Variants in CSAD observed in about 807,000 individuals in gnomAD.
CSAD encodes the protein cysteine sulfinic acid decarboxylase, also known as P-selectin cytoplasmic tail-associated protein.
A neutral mutation model predicts 61.5 loss-of-function variants in CSAD; 47 were observed. The observed-to-expected ratio is 0.76, with a 90% CI of 0.60 to 0.97. CSAD has a LOEUF of 0.97. Among genes scored for constraint, CSAD ranks in the 50% least tolerant of loss-of-function variants. The probability of loss-of-function intolerance (pLI) is 0.00; values close to 1 mark genes in which losing one functional copy is unlikely to be tolerated. For synonymous variants in CSAD, 245 were observed against 252.7 expected (o/e 0.97, Z 0.29); for missense variants, 611 against 643.6 (o/e 0.95, Z 0.55).
rs1941407393 is a variant in CSAD at position 53,179,687 on chromosome 12, A to G, written c.-90-545T>C. 3.5e-6 allele frequency: 4 copies of G among 1,150,456 alleles called. No individual in the cohort carries two copies. The South Asian group carries it at 4.0e-5, about 12-fold the overall frequency. 71.3% of individuals were successfully genotyped at this position (1,150,456 alleles called of 1,614,324 possible). ...TCTGTCTACAAAAAAAAAAAAGTTG[A>G]GAATCCTTGTCTTTTTTTCATCATA... is the stretch of plus-strand genomic sequence containing the variant. On this transcript the variant is annotated intron_variant, in intron 1 of 16. Transcript: ENST00000444623.
At position 53,159,617 on chromosome 12, in the gene CSAD, G is replaced by A. The variant is rs368502237; in HGVS notation, c.1308+6C>T. ...ACGGGTAAAGAGAGCAGCACAGCACGCCTACCTTTGACAGCCTTTCGTGGT... is the reference window on the plus strand; with the variant it reads ...ACGGGTAAAGAGAGCAGCACAGCACACCTACCTTTGACAGCCTTTCGTGGT... On this transcript the variant is annotated splice_donor_region_variant and intron_variant, in intron 16 of 16. Coordinates refer to ENST00000444623, the MANE Select transcript of CSAD (RefSeq NM_001244705.2). The A allele has an allele frequency of 1.3e-4, 212 of 1,607,806 alleles. 1 individual carries two copies. The Middle Eastern group carries it at 2.7e-3, about 20-fold the overall frequency.
intron 9 of CSAD, 65 bp from the exon 10 acceptor site, chr12:53,170,191 G>T: frequency 6.9e-7 from 1 of 1,442,786 alleles, no homozygotes; most frequent in Non-Finnish European, 9.7e-7. Flanking sequence ...GGTAAGGTGG[G>T]GTTAGCAATG....
At chr12:53,180,029 AG>A in intron 1 of CSAD, 1 of 1,425,740 alleles carries the variant, frequency 7.0e-7, no homozygotes, top group Middle Eastern at 1.9e-4. Flanking sequence ...TAAAGGGCGA[AG>A]GGGAGAAGGT....
At chr12:53,169,495 A>AT (rs1164953491) in intron 10 of CSAD, among the ~76,000 whole-genome samples, 3 of 147,230 alleles carry the variant, frequency 2.0e-5, no homozygotes, top group African/African-American at 7.7e-5. Flanking sequence ...AAAAAAAAAA[A>AT]TTTTTACATT....
At chr12:53,173,611 G>C (rs746551208) in intron 3 of CSAD, 117 bp downstream of exon 3, 161 of 1,535,122 alleles carry the variant, frequency 1.0e-4, no homozygotes, top group Non-Finnish European at 1.1e-4. Flanking sequence ...CACAGACAAG[G>C]GCAAGTGAGA....
At chr12:53,160,408 AC>A (rs1297175854) in intron 13 of CSAD, 89 bp from the exon 14 acceptor site, 2 of 1,307,916 alleles carry the variant, frequency 1.5e-6, no homozygotes, top group African/African-American at 2.9e-5. Context: ...AGCTCAGGAT[AC>A]CCTCTTCTTT....
chr12:53,180,640 C>G, intron 1 of CSAD, 92 bp downstream of exon 1: 5 of 1,283,670 alleles, frequency 3.9e-6, no homozygotes, highest in Non-Finnish European at 5.1e-6. Context: ...CTGCCGAGCC[C>G]GGAAGTGGAT....
rs201457955 is a variant in CSAD at position 53,180,255 on chromosome 12, GAGA to G, written c.-91+474_-91+476del. 4.6e-5 allele frequency: 45 copies of G among 985,398 alleles called. No homozygotes were observed. The Admixed American group carries it at 1.8e-3, about 39-fold the overall frequency. The allele number at this position is 985,398 out of a possible 1,614,324, so 61.0% of individuals were successfully genotyped here. Reference sequence around the variant, plus strand: ...ATCTGGGCCTGACGGAAAAAATTCGGAGAAGAACCACCTCGGCCGAGTTACGTG... The same window carrying G: ...ATCTGGGCCTGACGGAAAAAATTCGGAGAACCACCTCGGCCGAGTTACGTG... On this transcript the variant is annotated intron_variant, in intron 1 of 16. Transcript: ENST00000444623.
In CSAD at chr12:53,158,520, C is replaced by A. The variant is rs1445652177; in HGVS notation, c.1473G>T (p.Gln491His). Residue 491 changes from glutamine to histidine, a missense_variant, in exon 17 of 17, where the codon CAG (glutamine) becomes CAT (histidine). Coordinates refer to ENST00000444623, the MANE Select transcript of CSAD (RefSeq NM_001244705.2). ...FLLNELERLG[Q>H]DL is the part of the protein sequence containing the mutation. ...GCAAGACAGAGAAGGCTCACAGGTC[C>A]TGGCCTAGCCGCTCCAGCTCGTTGA... The A allele has an allele frequency of 6.2e-7, 1 of 1,612,950 alleles. No homozygotes were observed. Among genetic ancestry groups the A allele is most frequent in the African/African-American group, 1.3e-5 (1 of 74,500 alleles).
At chr12:53,162,146 A>G (rs1028157794) in intron 10 of CSAD, among the ~76,000 whole-genome samples, 1 of 152,086 alleles carries the variant, frequency 6.6e-6, no homozygotes, top group African/African-American at 2.4e-5. Flanking sequence ...CTGTAATCCC[A>G]GCTACTTGGG....
intron 4 of CSAD, 140 bp downstream of exon 4, chr12:53,173,205 C>G: frequency 2.5e-6 from 2 of 797,308 alleles, no homozygotes; most frequent in Non-Finnish European, 3.7e-6. Flanking sequence ...GAGACTCTGT[C>G]AAGAAAGAAA....
In CSAD at chr12:53,172,659, A is replaced by AGCCGGGGATGCTGGGG. The variant is rs746656160; in HGVS notation, c.127-27_127-12dup. 1 of 1,601,472 alleles carries AGCCGGGGATGCTGGGG rather than the reference A, an allele frequency of 6.2e-7. No homozygotes were observed. The highest frequency in any genetic ancestry group is 1.1e-5 in the South Asian group (1 of 89,554). On this transcript the variant is annotated splice_polypyrimidine_tract_variant and intron_variant, in intron 4 of 16. Transcript: ENST00000444623. ...CTTCCACTCACAGACCTAGGAAGAGAGCCGGGGATGCTGGGGGCCTGGGAT... is the reference window on the plus strand; with the variant it reads ...CTTCCACTCACAGACCTAGGAAGAGAGCCGGGGATGCTGGGGGCCGGGGATGCTGGGGGCCTGGGAT...
intron 1 of CSAD, chr12:53,179,859 A>G: frequency 6.2e-7 from 1 of 1,613,034 alleles, no homozygotes; most frequent in Non-Finnish European, 8.5e-7. Context: ...ACCTCTCTCT[A>G]ATGGCTAAGG....
At chr12:53,178,050 T>C (rs1172050489) in intron 2 of CSAD, 1 of 186,586 alleles carries the variant, frequency 5.4e-6, no homozygotes, top group African/African-American at 2.4e-5. Context: ...CTAGTAACTG[T>C]ATAAAAAATT....
At chr12:53,162,877 C>T (rs933805585) in intron 10 of CSAD, among the ~76,000 whole-genome samples, 8 of 151,906 alleles carry the variant, frequency 5.3e-5, no homozygotes, top group African/African-American at 1.9e-4. Flanking sequence ...GCCTGACCAA[C>T]ATGGAACAAC....
At chr12:53,169,333 G>T (rs1940278097) in intron 10 of CSAD, among the ~76,000 whole-genome samples, 1 of 151,922 alleles carries the variant, frequency 6.6e-6, no homozygotes, top group Non-Finnish European at 1.5e-5. Flanking sequence ...TACAAAATTA[G>T]CCAGGCCTGG....
intron 10 of CSAD, chr12:53,164,432 C>A: frequency 5.1e-6 from 1 of 197,308 alleles, no homozygotes; most frequent in South Asian, 7.5e-5. Flanking sequence ...TCCTCTGCAG[C>A]AACATGGATG....
chr12:53,180,148 A>T, intron 1 of CSAD: 1 of 1,257,770 alleles, frequency 8.0e-7, no homozygotes, highest in Non-Finnish European at 1.0e-6. Flanking sequence ...CTCTGCGAGA[A>T]TTCAGACTGT....
intron 2 of CSAD, chr12:53,174,006 G>A: frequency 3.8e-6 from 2 of 524,228 alleles, no homozygotes; most frequent in Non-Finnish European, 6.9e-6. Flanking sequence ...GCCATTTCAT[G>A]TAAAACGGGT....
Sources: gnomAD v4.1 joint callset for allele counts (sites outside exome capture counted in the v4.1 genomes callset) on GRCh38, gnomAD v4.1.1 for gene constraint, MANE v1.5 for transcripts, NCBI Gene and HGNC (gene_info 2026-07-23, HGNC 2026-07-21) for gene names.